Variants in GNB1 observed in about 807,000 individuals in gnomAD.
GNB1 encodes the protein G protein subunit beta 1.
Under a neutral mutation model 42.9 loss-of-function variants are expected in GNB1, and 2 were observed. The observed-to-expected ratio is 0.05, with a 90% CI of 0.02 to 0.15. GNB1 has a LOEUF of 0.15. Ranked by LOEUF, GNB1 falls within the 10% of genes least tolerant of loss-of-function variation. The pLI is 1.00. For missense variants in GNB1, 193 were observed against 462.2 expected, an observed-to-expected ratio of 0.42 and a Z score of 5.34; for synonymous variants, 183 against 174.7, an observed-to-expected ratio of 1.05 and a Z score of -0.38.
Position 1,865,534 on chromosome 1 carries a change from C to G in GNB1, c.-96+25286G>C, listed in dbSNP as rs570166691. ...CCGGGAAGCAGAGGTCGCAGTGAGC[C>G]AAGATTGTGCCACCGCACTCCAACC... On this transcript the variant is annotated intron_variant, in intron 1 of 11. Coordinates refer to ENST00000378609, the MANE Select transcript of GNB1 (RefSeq NM_002074.5). Among the ~76,000 whole-genome samples the G allele has an allele frequency of 2.0e-5, 3 of 151,998 alleles. No homozygotes were observed. The East Asian group carries it at 5.8e-4, about 29-fold the overall frequency.
At chr1:1,856,612 G>C (rs1164957933) in intron 1 of GNB1, among the ~76,000 whole-genome samples, 1 of 152,096 alleles carries the variant, frequency 6.6e-6, no homozygotes, top group Non-Finnish European at 1.5e-5. Flanking sequence ...ATTTTCAGTA[G>C]AGACAGGGTT....
intron 1 of GNB1, among the ~76,000 whole-genome samples, chr1:1,840,670 T>G (rs1321446950): frequency 6.6e-6 from 1 of 152,262 alleles, no homozygotes. Flanking sequence ...ACTAAATAAC[T>G]ACTTTGTGAG....
chr1:1,842,069 A>G (rs901383263), intron 1 of GNB1, among the ~76,000 whole-genome samples: 8 of 152,238 alleles, frequency 5.3e-5, no homozygotes, highest in Non-Finnish European at 1.0e-4. Context: ...GCACTTTGGG[A>G]AGGTGAGGCG....
chr1:1,836,201 C>T (rs1647146777), intron 2 of GNB1, among the ~76,000 whole-genome samples: 1 of 152,104 alleles, frequency 6.6e-6, no homozygotes, highest in Non-Finnish European at 1.5e-5. Flanking sequence ...CCCGGCTCCT[C>T]ACGCCCAACA....
At chr1:1,865,306 G>A (rs1648872841) in intron 1 of GNB1, among the ~76,000 whole-genome samples, 1 of 148,420 alleles carries the variant, frequency 6.7e-6, no homozygotes, top group South Asian at 2.1e-4. Flanking sequence ...AAAAAAACAG[G>A]CAACACATTG....
At chr1:1,850,984 G>A (rs1647947123) in intron 1 of GNB1, among the ~76,000 whole-genome samples, 1 of 152,154 alleles carries the variant, frequency 6.6e-6, no homozygotes, top group Admixed American at 6.5e-5. Flanking sequence ...AAAACATACT[G>A]GCCGGCCAGG....
chr1:1,829,449 C>T (rs1647046086), intron 2 of GNB1, among the ~76,000 whole-genome samples: 1 of 152,216 alleles, frequency 6.6e-6, no homozygotes. Context: ...ATGCACCAGA[C>T]ACCCTGTACA....
chr1:1,794,966 G>A (rs1646527325), intron 7 of GNB1, among the ~76,000 whole-genome samples: 1 of 152,228 alleles, frequency 6.6e-6, no homozygotes, highest in Non-Finnish European at 1.5e-5. Flanking sequence ...AGGATTACAG[G>A]CGTGAGCCAC....
chr1:1,804,410 G>C lies in GNB1; in HGVS notation c.430+9C>G, dbSNP rs757859923. On this transcript the variant is annotated intron_variant, in intron 7 of 11. Coordinates refer to ENST00000378609, the MANE Select transcript of GNB1 (RefSeq NM_002074.5). ...GTGTCACTTGAAGCTTATGAACAAG[G>C]ACAGGTACCTGTGTGTCCTGCCAGC... The C allele has an allele frequency of 8.1e-6, 13 of 1,608,008 alleles. No homozygotes were observed. The highest frequency in any genetic ancestry group is 1.1e-5 in the Non-Finnish European group (13 of 1,174,524).
chr1:1,879,574 A>T (rs982066080), intron 1 of GNB1, among the ~76,000 whole-genome samples: 1 of 151,898 alleles, frequency 6.6e-6, no homozygotes, highest in Non-Finnish European at 1.5e-5. Context: ...GCGTGGTGGC[A>T]GGCACCTGTA....
intron 3 of GNB1, among the ~76,000 whole-genome samples, chr1:1,821,151 C>A (rs2100938237): frequency 6.6e-6 from 1 of 152,278 alleles, no homozygotes; most frequent in Non-Finnish European, 1.5e-5. Flanking sequence ...AAATTAAAGC[C>A]TGGGCCCTGC....
At chr1:1,842,996 C>A (rs763506622) in intron 1 of GNB1, among the ~76,000 whole-genome samples, 2 of 152,180 alleles carry the variant, frequency 1.3e-5, no homozygotes, top group Admixed American at 1.3e-4. Flanking sequence ...GTGTGTGTGT[C>A]CCCAGGAGGA....
chr1:1,835,622 G>GT (rs1334418455), intron 2 of GNB1, among the ~76,000 whole-genome samples: 1 of 152,176 alleles, frequency 6.6e-6, no homozygotes, highest in Non-Finnish European at 1.5e-5. Flanking sequence ...GGCAACCAGT[G>GT]TAACAGTGGA....
intron 1 of GNB1, among the ~76,000 whole-genome samples, chr1:1,843,808 C>T (rs1647459126): frequency 6.6e-6 from 1 of 152,202 alleles, no homozygotes; most frequent in Non-Finnish European, 1.5e-5. Flanking sequence ...CTCGCACCTC[C>T]CAGTGCTTTG....
At chr1:1,876,445 C>T (rs1181221526) in intron 1 of GNB1, among the ~76,000 whole-genome samples, 1 of 150,330 alleles carries the variant, frequency 6.7e-6, no homozygotes, top group East Asian at 1.9e-4. Context: ...ACCATCAGGC[C>T]CAGCTAAGAA....
intron 3 of GNB1, among the ~76,000 whole-genome samples, chr1:1,820,970 T>G (rs1297149566): frequency 2.6e-5 from 4 of 152,186 alleles, no homozygotes; most frequent in African/African-American, 9.7e-5. Context: ...GAAGAAAAAG[T>G]CTTCAAGTTC....
At chr1:1,881,582 T>C (rs1222307316) in intron 1 of GNB1, among the ~76,000 whole-genome samples, 1 of 152,092 alleles carries the variant, frequency 6.6e-6, no homozygotes, top group African/African-American at 2.4e-5. Context: ...ATATGTTTAG[T>C]AGAGACAAGG....
chr1:1,793,172 T>C lies in GNB1; in HGVS notation c.497+73A>G, dbSNP rs370287012. Reference sequence around the variant, plus strand: ...ATATTATGTCAAGAACCTTATTTCCTCCATGTTCACAGAGGAATGTGCCAG... The same window carrying C: ...ATATTATGTCAAGAACCTTATTTCCCCCATGTTCACAGAGGAATGTGCCAG... On this transcript the variant is annotated intron_variant, in intron 8 of 11. Coordinates refer to ENST00000378609, the MANE Select transcript of GNB1 (RefSeq NM_002074.5). The C allele has an allele frequency of 3.9e-4, 343 of 875,988 alleles. 1 individual carries two copies. The African/African-American group carries it at 4.9e-3, about 12-fold the overall frequency. The allele number at this position is 875,988 out of a possible 1,614,324, so 54.3% of individuals were successfully genotyped here. A position where few individuals can be genotyped will look rare whatever the true frequency, so the allele number is the denominator to read the frequency against.
intron 1 of GNB1, among the ~76,000 whole-genome samples, chr1:1,886,572 C>T (rs1650169710): frequency 6.6e-6 from 1 of 152,168 alleles, no homozygotes; most frequent in Non-Finnish European, 1.5e-5. Flanking sequence ...TGATAGTTTC[C>T]ATTTTAAATT....
Sources: allele counts gnomAD v4.1 joint callset (sites outside exome capture counted in the v4.1 genomes callset), GRCh38; gene constraint gnomAD v4.1.1; transcripts MANE v1.5; gene names NCBI Gene and HGNC (gene_info 2026-07-23, HGNC 2026-07-21).